SPAG1: variants seen among roughly 807,000 people sequenced by gnomAD.
SPAG1 encodes the protein sperm-associated antigen 1.
Under a neutral mutation model 100.5 loss-of-function variants are expected in SPAG1, and 69 were observed. That is an observed-to-expected ratio of 0.69 (90% CI 0.57 to 0.84). SPAG1 has a LOEUF of 0.84. Ranked by LOEUF, SPAG1 falls within the 40% of genes least tolerant of loss-of-function variation. SPAG1 has a pLI of 0.00. For synonymous variants in SPAG1, 336 were observed against 411.6 expected, an observed-to-expected ratio of 0.82 and a Z score of 2.22; for missense variants, 955 against 1,133.1, an observed-to-expected ratio of 0.84 and a Z score of 2.26.
intron 18 of SPAG1, 27 bp from the exon 19 acceptor site, chr8:100,240,864 G>GTTTTTTTTTT (rs57110081): frequency 3.4e-4 from 471 of 1,388,518 alleles, no homozygotes; most frequent in South Asian, 1.4e-3. Flanking sequence ...TTGGTTTTTT[G>GTTTTTTTTTT]TTTTTTTTTT....
At chr8:100,191,334 T>G (rs1816805936) in intron 8 of SPAG1, 56 bp from the exon 9 acceptor site, 2 of 1,227,718 alleles carry the variant, frequency 1.6e-6, no homozygotes, top group South Asian at 1.3e-5. Context: ...CCAAATATGT[T>G]GTAACCATAA....
chr8:100,222,391 A>G (rs1180158033), intron 13 of SPAG1, among the ~76,000 whole-genome samples: 2 of 152,028 alleles, frequency 1.3e-5, no homozygotes, highest in Admixed American at 1.3e-4. Context: ...GTGTTTTTTC[A>G]TCTTTGTCGC....
intron 10 of SPAG1, among the ~76,000 whole-genome samples, chr8:100,206,922 T>C (rs1817538941): frequency 6.6e-6 from 1 of 152,160 alleles, no homozygotes; most frequent in South Asian, 2.1e-4. Context: ...CCATATGACC[T>C]AGCAGATCCA....
intron 4 of SPAG1, among the ~76,000 whole-genome samples, chr8:100,181,764 C>T (rs915216605): frequency 6.6e-6 from 1 of 152,132 alleles, no homozygotes; most frequent in Non-Finnish European, 1.5e-5. Context: ...GGATTAGGGC[C>T]CACCCTAATG....
intron 7 of SPAG1, 122 bp from the exon 8 acceptor site, chr8:100,186,997 TG>T: frequency 1.3e-6 from 1 of 792,986 alleles, no homozygotes; most frequent in South Asian, 2.5e-5. Flanking sequence ...ATACGAATGT[TG>T]GGGGATACAA....
chr8:100,213,271 G>GCCA lies in SPAG1; in HGVS notation c.1278_1279insCCA (p.Ala426_Ala427insPro). 5 of 1,212,660 alleles carry GCCA rather than the reference G, an allele frequency of 4.1e-6. No individual in the cohort carries two copies. Among genetic ancestry groups the GCCA allele is most frequent in the Non-Finnish European group, 5.1e-6 (5 of 978,384 alleles). The allele number at this position is 1,212,660 out of a possible 1,614,324, so 75.1% of individuals were successfully genotyped here. ...GCCCACGGCGGGCCTCTGCGGCGGC[G>GCCA]GCGGCGGGCGGCGGCGCCACCGGGC... On this transcript the variant is annotated inframe_insertion, in exon 11 of 19. Coordinates refer to ENST00000388798, the MANE Select transcript of SPAG1 (RefSeq NM_003114.5).
At chr8:100,234,473 A>T (rs1563815861) in intron 16 of SPAG1, among the ~76,000 whole-genome samples, 1 of 152,114 alleles carries the variant, frequency 6.6e-6, no homozygotes, top group Non-Finnish European at 1.5e-5. Flanking sequence ...CTATCACTAT[A>T]GATTAGTTTT....
chr8:100,241,083 G>A lies in SPAG1; in HGVS notation c.*61G>A. On this transcript the variant is annotated 3_prime_UTR_variant, in exon 19 of 19. Coordinates refer to ENST00000388798, the MANE Select transcript of SPAG1 (RefSeq NM_003114.5). This position sits in a 1 kb window ranked among gnomAD's most constrained non-coding sequence, Gnocchi z 5.1. ...TGTGTTCCAGGAATGTTAATGAGATGGTATTGTAAAAGAGTTGCATGGATA... is the reference window on the plus strand; with the variant it reads ...TGTGTTCCAGGAATGTTAATGAGATAGTATTGTAAAAGAGTTGCATGGATA... The A allele has an allele frequency of 1.3e-6, 2 of 1,557,724 alleles. No individual in the cohort carries two copies. The highest frequency in any genetic ancestry group is 2.4e-5 in the South Asian group (2 of 84,020).
intron 16 of SPAG1, among the ~76,000 whole-genome samples, chr8:100,237,789 T>C (rs564014226): frequency 1.3e-5 from 2 of 152,272 alleles, no homozygotes; most frequent in Admixed American, 6.5e-5. Context: ...CTTGTTTTCT[T>C]ATGTCTCTTC....
intron 3 of SPAG1, among the ~76,000 whole-genome samples, chr8:100,176,844 C>CTCCTCT: frequency 6.9e-6 from 1 of 143,994 alleles, no homozygotes; most frequent in South Asian, 2.4e-4. Flanking sequence ...CTCTCCTCTT[C>CTCCTCT]TCTCTCCTCC....
At chr8:100,225,988 A>G (rs1475009543) in intron 14 of SPAG1, among the ~76,000 whole-genome samples, 4 of 148,234 alleles carry the variant, frequency 2.7e-5, no homozygotes, top group Non-Finnish European at 5.9e-5. Context: ...GCACACCACC[A>G]TGCCAGCTAG....
At chr8:100,213,490 G>A (rs1323513538) in intron 11 of SPAG1, 62 bp downstream of exon 11, 11 of 1,260,600 alleles carry the variant, frequency 8.7e-6, no homozygotes, top group Non-Finnish European at 8.2e-6. Context: ...CCGACCTCCG[G>A]GGCCCCCGTG....
At chr8:100,178,432 C>T (rs1403623233) in intron 4 of SPAG1, among the ~76,000 whole-genome samples, 3 of 151,986 alleles carry the variant, frequency 2.0e-5, no homozygotes, top group South Asian at 2.1e-4. Context: ...ATTTCTCTGT[C>T]GTTGGTCCCT....
At chr8:100,195,244 T>A (rs988839482) in intron 10 of SPAG1, among the ~76,000 whole-genome samples, 1 of 150,892 alleles carries the variant, frequency 6.6e-6, no homozygotes, top group Admixed American at 6.6e-5. Flanking sequence ...GGCGGGGCAG[T>A]GGAGGGGGGA....
intron 10 of SPAG1, among the ~76,000 whole-genome samples, chr8:100,210,790 G>T (rs1817685736): frequency 6.6e-6 from 1 of 151,942 alleles, no homozygotes; most frequent in African/African-American, 2.4e-5. Context: ...CAGAGTGCTA[G>T]GATTATAGGG....
At chr8:100,189,529 C>A (rs958461122) in intron 8 of SPAG1, among the ~76,000 whole-genome samples, 1 of 151,482 alleles carries the variant, frequency 6.6e-6, no homozygotes, top group African/African-American at 2.4e-5. Flanking sequence ...GTGGTGGGCA[C>A]CTGTAGTCCC....
intron 14 of SPAG1, among the ~76,000 whole-genome samples, chr8:100,230,852 C>T (rs1818737342): frequency 6.6e-6 from 1 of 152,040 alleles, no homozygotes; most frequent in African/African-American, 2.4e-5. Context: ...AACTCCTGAC[C>T]TCAGGTGATC....
intron 2 of SPAG1, among the ~76,000 whole-genome samples, chr8:100,164,625 A>G (rs977876070): frequency 1.6e-4 from 25 of 152,278 alleles, no homozygotes; most frequent in African/African-American, 6.0e-4. Flanking sequence ...CCATTTCGCC[A>G]TGTTGGCCAG....
At chr8:100,221,092 A>T (rs1317017857) in intron 13 of SPAG1, among the ~76,000 whole-genome samples, 5 of 152,132 alleles carry the variant, frequency 3.3e-5, no homozygotes, top group African/African-American at 1.2e-4. Flanking sequence ...AAATTAAAAT[A>T]AAATAAATAA....
Sources: allele counts gnomAD v4.1 joint callset (sites outside exome capture counted in the v4.1 genomes callset), GRCh38; gene constraint gnomAD v4.1.1; non-coding constraint Gnocchi (gnomAD v3.1); transcripts MANE v1.5; gene names NCBI Gene and HGNC (gene_info 2026-07-23, HGNC 2026-07-21).